Variants in WDR59 observed in about 807,000 individuals in gnomAD.
WDR59 encodes the protein WD repeat domain 59.
In WDR59, 100 loss-of-function variants were observed where a neutral mutation model predicts 131.2. The observed-to-expected ratio is 0.76, with a 90% CI of 0.65 to 0.90. The LOEUF is 0.90. WDR59 is among the 40% of genes least tolerant of loss of function. WDR59 has a pLI of 0.00. For missense variants in WDR59, 1,203 were observed against 1,262.2 expected (o/e 0.95, Z 0.71); for synonymous variants, 601 against 466.2 (o/e 1.29, Z -3.72).
At chr16:74,917,163 G>T (rs1442661162) in intron 11 of WDR59, among the ~76,000 whole-genome samples, 3 of 152,308 alleles carry the variant, frequency 2.0e-5, no homozygotes, top group South Asian at 2.1e-4. Flanking sequence ...GGCCACCAAA[G>T]CAGCTCATGC....
intron 6 of WDR59, among the ~76,000 whole-genome samples, chr16:74,943,440 G>A (rs1306879256): frequency 6.6e-6 from 1 of 152,104 alleles, no homozygotes; most frequent in Non-Finnish European, 1.5e-5. Flanking sequence ...TTGGCAGTAT[G>A]TGACCTCAGT....
chr16:74,978,499 A>C (rs1270341835), intron 1 of WDR59, among the ~76,000 whole-genome samples: 1 of 152,114 alleles, frequency 6.6e-6, no homozygotes, highest in Non-Finnish European at 1.5e-5. Flanking sequence ...CCTTCAAAAA[A>C]CAAAACAAAA....
At chr16:74,886,432 C>G (rs762939329) in intron 23 of WDR59, 36 bp from the exon 24 acceptor site, 8 of 1,605,498 alleles carry the variant, frequency 5.0e-6, no homozygotes, top group Non-Finnish European at 6.8e-6. Context: ...AGATGGCAAT[C>G]AGAGAAGGCA....
intron 17 of WDR59, 119 bp downstream of exon 17, chr16:74,908,788 TG>T: frequency 1.5e-6 from 1 of 677,410 alleles, no homozygotes; most frequent in Non-Finnish European, 2.5e-6. Flanking sequence ...AATCTTATAA[TG>T]GGAGTTTACT....
intron 25 of WDR59, among the ~76,000 whole-genome samples, chr16:74,882,538 G>A (rs999578291): frequency 6.6e-6 from 1 of 152,116 alleles, no homozygotes; most frequent in African/African-American, 2.4e-5. Flanking sequence ...TTCGAGACCA[G>A]CCTGGCCAAC....
At chr16:74,939,402 T>C (rs1252387851) in intron 7 of WDR59, among the ~76,000 whole-genome samples, 1 of 152,144 alleles carries the variant, frequency 6.6e-6, no homozygotes, top group Non-Finnish European at 1.5e-5. Flanking sequence ...ACTACAGCTA[T>C]GCGACACCAA....
intron 8 of WDR59, among the ~76,000 whole-genome samples, chr16:74,937,534 C>T (rs2031898869): frequency 6.6e-6 from 1 of 152,184 alleles, no homozygotes; most frequent in East Asian, 1.9e-4. Context: ...CAGAGGCTCG[C>T]TCGGTCGCCC....
In WDR59 at chr16:74,912,664, G is replaced by A. The variant is rs568705727; in HGVS notation, c.1225-302C>T. 1.8e-4 allele frequency among the ~76,000 whole-genome samples: 28 copies of A among 152,330 alleles called. No homozygotes were observed. The South Asian group carries it at 5.8e-3, about 32-fold the overall frequency. On this transcript the variant is annotated intron_variant, in intron 13 of 25. Transcript: ENST00000262144. ...ACACACACAGAAATATAGAGGTGTG[G>A]AGTGGGAAATCAGGGGTCTCACAGC...
intron 6 of WDR59, among the ~76,000 whole-genome samples, chr16:74,945,417 C>T (rs187616467): frequency 3.1e-4 from 47 of 151,752 alleles, no homozygotes; most frequent in Non-Finnish European, 4.9e-4. Flanking sequence ...GCAGAGCTTG[C>T]GGTGAGCTGA....
intron 1 of WDR59, among the ~76,000 whole-genome samples, chr16:74,970,494 CCAAAAAAAAAA>C (rs1443544605): frequency 3.9e-5 from 4 of 103,826 alleles, no homozygotes; most frequent in African/African-American, 1.2e-4. Flanking sequence ...GACTCTGTCT[CCAAAAAAAAAA>C]AAAAAAAAAA....
At chr16:74,874,546 C>A in intron 25 of WDR59, 102 bp from the exon 26 acceptor site, 4 of 872,640 alleles carry the variant, frequency 4.6e-6, no homozygotes, top group South Asian at 1.6e-5. Flanking sequence ...CCTCTCAAGA[C>A]TCTAGCAGAT....
intron 7 of WDR59, among the ~76,000 whole-genome samples, chr16:74,940,189 A>C (rs1215606268): frequency 6.6e-6 from 1 of 152,004 alleles, no homozygotes; most frequent in East Asian, 1.9e-4. Context: ...GACCAGCCTG[A>C]CCAACACGGT....
At chr16:74,981,613 CATATATATATATATAT>C (rs1162042042) in intron 1 of WDR59, among the ~76,000 whole-genome samples, 1 of 27,782 alleles carries the variant, frequency 3.6e-5, no homozygotes, top group African/African-American at 1.4e-4. Flanking sequence ...TATACATTTA[CATATATATATATATAT>C]ATATATATAT....
intron 10 of WDR59, among the ~76,000 whole-genome samples, chr16:74,920,573 G>A (rs376675794): frequency 6.6e-6 from 1 of 152,168 alleles, no homozygotes; most frequent in East Asian, 1.9e-4. Context: ...GCTCATTTTT[G>A]TATTTTCAGC....
chr16:74,981,633 T>TACATATATATATATATAC (rs2034414385), intron 1 of WDR59, among the ~76,000 whole-genome samples: 1 of 17,566 alleles, frequency 5.7e-5, no homozygotes, highest in African/African-American at 2.0e-4. Context: ...TATATATATA[T>TACATATATATATATATAC]ATATATATAT....
At chr16:74,899,671 G>T in intron 18 of WDR59, 1 of 1,288,254 alleles carries the variant, frequency 7.8e-7, no homozygotes, top group South Asian at 1.2e-5. Context: ...GATTAGTTAA[G>T]GAGAGCATTT....
intron 18 of WDR59, among the ~76,000 whole-genome samples, chr16:74,897,628 C>T (rs1486657844): frequency 6.6e-6 from 1 of 152,184 alleles, no homozygotes; most frequent in Non-Finnish European, 1.5e-5. Flanking sequence ...CCTCACTCAG[C>T]TGCCTTTAAG....
At chr16:74,957,107 G>C (rs2033331923) in intron 2 of WDR59, among the ~76,000 whole-genome samples, 1 of 137,692 alleles carries the variant, frequency 7.3e-6, no homozygotes, top group Admixed American at 7.8e-5. Flanking sequence ...TTGAGACAGA[G>C]TCTCGCTCTG....
intron 25 of WDR59, among the ~76,000 whole-genome samples, chr16:74,880,801 A>C (rs1289058928): frequency 6.6e-6 from 1 of 152,264 alleles, no homozygotes; most frequent in Non-Finnish European, 1.5e-5. Context: ...AAGGCTTTTC[A>C]AAACTTCCAG....
Sources: gnomAD v4.1 joint callset for allele counts (sites outside exome capture counted in the v4.1 genomes callset) on GRCh38, gnomAD v4.1.1 for gene constraint, MANE v1.5 for transcripts, NCBI Gene and HGNC (gene_info 2026-07-23, HGNC 2026-07-21) for gene names.